The following RPL11 variants were observed in gnomAD, a reference collection of about 807,000 sequenced individuals.
RPL11 encodes ribosomal protein L11.
A neutral mutation model predicts 24.1 loss-of-function variants in RPL11; 3 were observed. The observed-to-expected ratio is 0.12, with a 90% CI of 0.06 to 0.32. RPL11 has a LOEUF of 0.32. RPL11 is among the 10% of genes least tolerant of loss of function. The pLI, the probability that RPL11 is intolerant of heterozygous loss-of-function variation, is 1.00. For synonymous variants in RPL11, 96 were observed against 75.7 expected, an observed-to-expected ratio of 1.27 and a Z score of -1.39; for missense variants, 146 against 225.7, an observed-to-expected ratio of 0.65 and a Z score of 2.26.
At chr1:23,695,752 C>G (rs772274492) in intron 4 of RPL11, 46 bp from the exon 5 acceptor site, 1 of 1,528,196 alleles carries the variant, frequency 6.5e-7, no homozygotes, top group East Asian at 2.4e-5. Context: ...TCCATCTGCT[C>G]TTGACTCTGA....
chr1:23,694,597 T>TA, intron 3 of RPL11, 63 bp from the exon 4 acceptor site: 2 of 1,609,876 alleles, frequency 1.2e-6, no homozygotes, highest in Non-Finnish European at 8.5e-7. Flanking sequence ...TATTAATAGT[T>TA]ACTTGGGGGT....
chr1:23,691,840 G>C lies in RPL11; in HGVS notation c.6+11G>C, dbSNP rs759269198. The C allele has an allele frequency of 6.2e-6, 10 of 1,614,234 alleles. No homozygotes were observed. The South Asian group carries it at 1.1e-4, about 18-fold the overall frequency. ...CTCTCCATCATGGCGGTGAGTAGCT[G>C]GGACCTGGATTTGCTTTCCTTTATC... On this transcript the variant is annotated intron_variant, in intron 1 of 5. Transcript: ENST00000643754.
chr1:23,693,979 T>C, intron 3 of RPL11, 66 bp downstream of exon 3: 1 of 1,160,482 alleles, frequency 8.6e-7, no homozygotes, highest in Non-Finnish European at 1.3e-6. Context: ...GTAGATAAGT[T>C]ACATTTAATG....
At position 23,696,420 on chromosome 1, in the gene RPL11, G is replaced by T; in HGVS notation, c.*47G>T. The stretch of plus-strand genomic sequence containing the variant: ...AGCAATAAAAAGTTTTCAGTGAAAT[G>T]TGCAATTCTGTTGTGTGTTCTGTGA... On this transcript the variant is annotated 3_prime_UTR_variant, in exon 6 of 6. Transcript: ENST00000643754. 6.4e-7 allele frequency: 1 copy of T among 1,571,316 alleles called. No individual in the cohort carries two copies. Among genetic ancestry groups the T allele is most frequent in the Non-Finnish European group, 8.8e-7 (1 of 1,141,576 alleles).
intron 5 of RPL11, 142 bp downstream of exon 5, chr1:23,696,050 T>G: frequency 1.1e-6 from 1 of 871,850 alleles, no homozygotes; most frequent in Non-Finnish European, 1.9e-6. Context: ...AATCAGGGGC[T>G]TCCAGGGATG....
At chr1:23,692,577 A>G in intron 1 of RPL11, 32 bp from the exon 2 acceptor site, 1 of 1,613,936 alleles carries the variant, frequency 6.2e-7, no homozygotes, top group East Asian at 2.2e-5. Flanking sequence ...CTCAGCTGTG[A>G]GTGTATTGAC....
At chr1:23,692,201 C>G (rs775332659) in intron 1 of RPL11, 1 of 451,746 alleles carries the variant, frequency 2.2e-6, no homozygotes, top group African/African-American at 2.0e-5. Flanking sequence ...AGGGAAGGTG[C>G]CAGCCTTTAG....
At chr1:23,692,916 T>TA (rs1491362253) in intron 2 of RPL11, among the ~76,000 whole-genome samples, 157 bp downstream of exon 2, 2 of 148,188 alleles carry the variant, frequency 1.3e-5, no homozygotes, top group African/African-American at 4.9e-5. Flanking sequence ...TTTTTTTTTT[T>TA]ATTCAAGATG....
intron 2 of RPL11, 88 bp from the exon 3 acceptor site, chr1:23,693,719 T>C: frequency 1.1e-6 from 1 of 884,524 alleles, no homozygotes; most frequent in Non-Finnish European, 1.9e-6. Context: ...TTAATGTCTC[T>C]TTAAGTCATG....
At chr1:23,696,022 A>G (rs1570569205) in intron 5 of RPL11, 114 bp downstream of exon 5, 1 of 1,072,458 alleles carries the variant, frequency 9.3e-7, no homozygotes, top group Non-Finnish European at 1.4e-6. Context: ...TAAAGTTAGA[A>G]TATTGGGCAT....
chr1:23,692,315 A>G (rs549741675), intron 1 of RPL11: 60 of 442,734 alleles, frequency 1.4e-4, no homozygotes, highest in African/African-American at 9.7e-4. Flanking sequence ...TGGCCTTACA[A>G]TGGGGGCGCT....
Sources: allele counts gnomAD v4.1 joint callset (sites outside exome capture counted in the v4.1 genomes callset), GRCh38; gene constraint gnomAD v4.1.1; transcripts MANE v1.5; gene names NCBI Gene and HGNC (gene_info 2026-07-23, HGNC 2026-07-21).